The following CACNA1C variants were observed in gnomAD, a reference collection of about 807,000 sequenced individuals.
CACNA1C encodes voltage-dependent L-type calcium channel subunit alpha-1C.
Under a neutral mutation model 229.0 loss-of-function variants are expected in CACNA1C, and 30 were observed. The ratio of observed to expected loss-of-function variants is 0.13; its 90% confidence interval spans 0.10 to 0.18. CACNA1C has a LOEUF of 0.18. CACNA1C is among the 10% of genes least tolerant of loss of function. The probability of loss-of-function intolerance (pLI) is 1.00; values close to 1 mark genes in which losing one functional copy is unlikely to be tolerated. For synonymous variants in CACNA1C, 1,114 were observed against 1,132.5 expected, an observed-to-expected ratio of 0.98 and a Z score of 0.33; for missense variants, 1,658 against 2,845.0, an observed-to-expected ratio of 0.58 and a Z score of 9.49.
At chr12:2,097,300 C>T (rs1356500983) in intron 1 of CACNA1C, among the ~76,000 whole-genome samples, 18 of 152,156 alleles carry the variant, frequency 1.2e-4, no homozygotes, top group Middle Eastern at 3.4e-3. Flanking sequence ...CGCCTGCCAC[C>T]ACGCCCAGCT....
intron 29 of CACNA1C, among the ~76,000 whole-genome samples, chr12:2,620,468 GA>G (rs1568855138): frequency 2.0e-5 from 3 of 152,184 alleles, no homozygotes; most frequent in South Asian, 2.1e-4. Flanking sequence ...CAGAAAGAAA[GA>G]AAGCCATTCT....
chr12:2,521,012 C>G (rs550684470), intron 9 of CACNA1C, among the ~76,000 whole-genome samples: 1 of 152,378 alleles, frequency 6.6e-6, no homozygotes, highest in Admixed American at 6.5e-5. Flanking sequence ...GCTCTGCTCC[C>G]CTTGGGGAGA....
chr12:2,206,185 C>T (rs1320781779), intron 3 of CACNA1C, among the ~76,000 whole-genome samples: 4 of 152,148 alleles, frequency 2.6e-5, no homozygotes, highest in African/African-American at 9.7e-5. Flanking sequence ...GCTTGAGATC[C>T]GGCCCTTCTA....
chr12:2,060,522 T>G (rs2057073888), intron 1 of CACNA1C, among the ~76,000 whole-genome samples: 2 of 152,226 alleles, frequency 1.3e-5, no homozygotes, highest in African/African-American at 2.4e-5. Context: ...AAGTGTTCAT[T>G]GGCTGACTTG....
intron 3 of CACNA1C, among the ~76,000 whole-genome samples, chr12:2,408,020 A>G (rs937283142): frequency 4.6e-5 from 7 of 152,208 alleles, no homozygotes; most frequent in Admixed American, 4.6e-4. Flanking sequence ...GGCTGTAACA[A>G]GGCACCCCAA....
intron 3 of CACNA1C, among the ~76,000 whole-genome samples, chr12:2,130,193 C>CTTT (rs35630466): frequency 4.4e-5 from 5 of 114,136 alleles, no homozygotes; most frequent in African/African-American, 1.0e-4. Context: ...TGAGACCTTT[C>CTTT]TTTTTTTTTT....
chr12:2,169,896 A>G (rs2096404780), intron 3 of CACNA1C, among the ~76,000 whole-genome samples: 1 of 152,186 alleles, frequency 6.6e-6, no homozygotes, highest in Non-Finnish European at 1.5e-5. Flanking sequence ...TGAGGAGCAC[A>G]TTACCTACTT....
intron 3 of CACNA1C, among the ~76,000 whole-genome samples, chr12:2,335,069 C>T (rs1325332148): frequency 6.6e-6 from 1 of 152,172 alleles, no homozygotes; most frequent in South Asian, 2.1e-4. Flanking sequence ...GAGCCTCAAC[C>T]CTATTCTGAG....
rs576249518 is a variant in CACNA1C at position 2,198,752 on chromosome 12, C to T, written c.477+78322C>T. On this transcript the variant is annotated intron_variant, in intron 3 of 46. Transcript: ENST00000399655. ...GAACGGGCAAGGAAACTGCCCACTA[C>T]GTGCTGTCACCTGGTGGCTGCTGTG... Among the ~76,000 whole-genome samples the T allele has an allele frequency of 1.1e-4, 17 of 152,220 alleles. No individual in the cohort carries two copies. The East Asian group carries it at 2.7e-3, about 24-fold the overall frequency.
In CACNA1C at chr12:2,088,810, G is replaced by A. The variant is rs543550481; in HGVS notation, c.50-26414G>A. On this transcript the variant is annotated intron_variant, in intron 1 of 46. Coordinates refer to ENST00000399655, the MANE Select transcript of CACNA1C (RefSeq NM_000719.7). ...TAAGAGATGACCATCAACACACGGG[G>A]AAAGCAATTTTTCAGTTCATAGGAT... Among the ~76,000 whole-genome samples, 19 of 152,218 alleles carry A rather than the reference G, an allele frequency of 1.2e-4. No individual in the cohort carries two copies. The South Asian group carries it at 3.7e-3, about 30-fold the overall frequency.
At chr12:2,472,223 T>C (rs915585036) in intron 5 of CACNA1C, among the ~76,000 whole-genome samples, 3 of 152,198 alleles carry the variant, frequency 2.0e-5, no homozygotes, top group African/African-American at 7.2e-5. Flanking sequence ...CTCACTCTTC[T>C]CTTGCTGGGA....
In CACNA1C at chr12:2,069,516, ACAG is replaced by A. The variant is rs1386600431; in HGVS notation, c.49+15908_49+15910del. ...TGACCGAGCTTGTAACCCCTGAAAG[ACAG>A]CATGTGGTCACAAGATACAGCCATA... On this transcript the variant is annotated intron_variant, in intron 1 of 46. Transcript: ENST00000399655. Among the ~76,000 whole-genome samples, 6 of 152,352 alleles carry A rather than the reference ACAG, an allele frequency of 3.9e-5. No homozygotes were observed. The East Asian group carries it at 1.2e-3, about 29-fold the overall frequency.
At chr12:2,549,494 TC>T (rs1443376990) in intron 9 of CACNA1C, among the ~76,000 whole-genome samples, 2 of 152,178 alleles carry the variant, frequency 1.3e-5, no homozygotes, top group Non-Finnish European at 2.9e-5. Flanking sequence ...AACAGGCTGG[TC>T]CCTGTTCTTG....
intron 3 of CACNA1C, among the ~76,000 whole-genome samples, chr12:2,406,065 C>T (rs757230443): frequency 6.6e-6 from 1 of 152,216 alleles, no homozygotes; most frequent in Non-Finnish European, 1.5e-5. Context: ...TCATTAGGCA[C>T]TTGCAAAATG....
At chr12:2,435,780 A>G (rs1459624212) in intron 3 of CACNA1C, among the ~76,000 whole-genome samples, 8 of 152,194 alleles carry the variant, frequency 5.3e-5, no homozygotes. Context: ...TGCACTGTGG[A>G]TAGCACAGGA....
intron 3 of CACNA1C, among the ~76,000 whole-genome samples, chr12:2,200,999 C>G (rs1566344586): frequency 6.6e-6 from 1 of 152,162 alleles, no homozygotes; most frequent in Admixed American, 6.5e-5. Flanking sequence ...GATTAGTATT[C>G]TTTTTTGCAA....
chr12:2,535,991 A>T (rs2154586761), intron 9 of CACNA1C, among the ~76,000 whole-genome samples: 1 of 152,390 alleles, frequency 6.6e-6, no homozygotes. Flanking sequence ...AATGTCATCA[A>T]TGGCGGCAGC....
At chr12:2,552,315 G>A (rs895936259) in intron 10 of CACNA1C, among the ~76,000 whole-genome samples, 11 of 68,322 alleles carry the variant, frequency 1.6e-4, no homozygotes, top group African/African-American at 4.1e-4. Context: ...AAATAAATAG[G>A]CAACTATAGG....
rs2097773495 is a variant in CACNA1C, at chr12:2,690,784, G to A, written c.6118-116G>A. On this transcript the variant is annotated intron_variant, in intron 46 of 46. Transcript: ENST00000399655. ...CACACACACGTACACGTGCACACAC[G>A]CACACTTCCCCAAGTGACCTACCAG... 6.0e-6 allele frequency: 6 copies of A among 1,004,108 alleles called. No homozygotes were observed. In the East Asian group the frequency reaches 1.6e-4, roughly 27 times the overall value. The allele number at this position is 1,004,108 out of a possible 1,614,324, so 62.2% of individuals were successfully genotyped here.
Sources: allele counts gnomAD v4.1 joint callset (sites outside exome capture counted in the v4.1 genomes callset), GRCh38; gene constraint gnomAD v4.1.1; transcripts MANE v1.5; gene names NCBI Gene and HGNC (gene_info 2026-07-23, HGNC 2026-07-21).